NEXMIF: variants seen among roughly 807,000 people sequenced by gnomAD.
NEXMIF encodes the protein XLMR protein related to neurite extension.
NEXMIF carries 8 observed loss-of-function variants against 62.1 expected under a neutral mutation model. The ratio of observed to expected loss-of-function variants is 0.13; its 90% CI spans 0.08 to 0.23. NEXMIF has a LOEUF of 0.23. NEXMIF is among the 10% of genes least tolerant of loss of function. The pLI is 1.00. For synonymous variants in NEXMIF, 404 were observed against 416.6 expected, an observed-to-expected ratio of 0.97 and a Z score of 0.37; for missense variants, 976 against 1,113.3, an observed-to-expected ratio of 0.88 and a Z score of 1.75.
rs761064647 is a variant in NEXMIF, at chrX:74,747,771, A to T, written c.-47-2074T>A. 2.1e-4 allele frequency among the ~76,000 whole-genome samples: 23 copies of T among 110,213 alleles called. No homozygotes were observed. In the East Asian group the frequency reaches 4.9e-3, roughly 23 times the overall value. The stretch of plus-strand genomic sequence containing the variant: ...CTGGAATTAACAGGCACGCACCACC[A>T]TGCCCAGCTAATTTTTGTATTTTTA... On this transcript the variant is annotated intron_variant, in intron 1 of 3. Transcript: ENST00000055682.
intron 1 of NEXMIF, among the ~76,000 whole-genome samples, chrX:74,881,542 C>T (rs781116202): frequency 1.2e-5 from 1 of 85,865 alleles, no homozygotes; most frequent in South Asian, 6.8e-4. Context: ...GGGTCAGGTA[C>T]TTCTTTTTGT....
intron 1 of NEXMIF, among the ~76,000 whole-genome samples, chrX:74,843,895 G>A (rs752823496): frequency 1.8e-5 from 2 of 112,154 alleles, no homozygotes; most frequent in Non-Finnish European, 3.8e-5. Context: ...GTGTGTTTAA[G>A]TGTGTTTTTG....
intron 1 of NEXMIF, among the ~76,000 whole-genome samples, chrX:74,748,204 C>A (rs1442643409): frequency 9.0e-6 from 1 of 111,666 alleles, no homozygotes; most frequent in Non-Finnish European, 1.9e-5. Flanking sequence ...GAGTCTATAA[C>A]TTTTTTTGAA....
chrX:74,920,767 G>A (rs1356046107), intron 1 of NEXMIF, among the ~76,000 whole-genome samples: 5 of 111,716 alleles, frequency 4.5e-5, no homozygotes, highest in East Asian at 2.8e-4. Flanking sequence ...TAGGTCTAAC[G>A]TTTAAGTCTT....
intron 1 of NEXMIF, among the ~76,000 whole-genome samples, chrX:74,758,532 T>C (rs952661202): frequency 9.0e-6 from 1 of 111,481 alleles, no homozygotes; most frequent in Non-Finnish European, 1.9e-5. Flanking sequence ...TACTTAATCG[T>C]TACTTTTTCT....
At chrX:74,793,030 G>T (rs2080291105) in intron 1 of NEXMIF, among the ~76,000 whole-genome samples, 1 of 108,690 alleles carries the variant, frequency 9.2e-6, no homozygotes, top group African/African-American at 3.3e-5. Context: ...GATGTTAGCT[G>T]GTTATTTTGC....
At chrX:74,858,849 G>C (rs956622688) in intron 1 of NEXMIF, among the ~76,000 whole-genome samples, 1 of 109,486 alleles carries the variant, frequency 9.1e-6, no homozygotes, top group Non-Finnish European at 1.9e-5. Context: ...AGAAATTCTG[G>C]AGTTGAAAAA....
chrX:74,825,255 C>G (rs1321429575), intron 1 of NEXMIF, among the ~76,000 whole-genome samples: 2 of 111,167 alleles, frequency 1.8e-5, no homozygotes, highest in African/African-American at 6.6e-5. Flanking sequence ...ACTTTAAGTT[C>G]AGAGATACAT....
intron 1 of NEXMIF, 128 bp downstream of exon 1, chrX:74,924,754 TC>T (rs2080838320): frequency 8.8e-6 from 1 of 113,867 alleles, no homozygotes; most frequent in South Asian, 3.5e-4. Flanking sequence ...CGTCCTCCGT[TC>T]CGTTTTCCCT....
intron 1 of NEXMIF, among the ~76,000 whole-genome samples, chrX:74,826,790 C>A (rs2080419593): frequency 9.0e-6 from 1 of 110,668 alleles, no homozygotes; most frequent in Admixed American, 9.7e-5. Flanking sequence ...ACTTTTATAG[C>A]CATGCATGTT....
At chrX:74,838,799 A>G (rs2080465118) in intron 1 of NEXMIF, among the ~76,000 whole-genome samples, 1 of 112,251 alleles carries the variant, frequency 8.9e-6, no homozygotes, top group Non-Finnish European at 1.9e-5. Flanking sequence ...TACATCATTT[A>G]TTATCATCCT....
intron 1 of NEXMIF, among the ~76,000 whole-genome samples, chrX:74,789,112 T>G (rs2080269725): frequency 1.0e-5 from 1 of 97,506 alleles, no homozygotes; most frequent in Non-Finnish European, 2.1e-5. Flanking sequence ...TATCTCCCAA[T>G]GCTATCCCTC....
At position 74,740,235 on chromosome X, in the gene NEXMIF, C is replaced by G; in HGVS notation, c.4322G>C (p.Gly1441Ala). ...YSNMSTLGNN[G>A]PTHKKLYRHK... is the part of the protein sequence containing the mutation. Reference sequence around the variant, plus strand: ...ACGATACAACTTTTTGTGTGTCGGTCCGTTATTGCCTAAAGTGCTCATGTT... The same window carrying G: ...ACGATACAACTTTTTGTGTGTCGGTGCGTTATTGCCTAAAGTGCTCATGTT... Residue 1441 changes from glycine (G) to alanine (A), a missense_variant, in exon 3 of 4, where the codon GGA (glycine) becomes GCA (alanine). This residue lies in a region of NEXMIF where 137 missense variants were observed against 128.9 expected (regional missense o/e 1.06). Coordinates refer to ENST00000055682, the MANE Select transcript of NEXMIF (RefSeq NM_001008537.3). 1 of 1,211,295 alleles carries G rather than the reference C, an allele frequency of 8.3e-7. No individual in the cohort carries two copies. Among genetic ancestry groups the G allele is most frequent in the Non-Finnish European group, 1.1e-6 (1 of 895,423 alleles).
At chrX:74,751,505 T>G (rs2147445189) in intron 1 of NEXMIF, among the ~76,000 whole-genome samples, 1 of 108,793 alleles carries the variant, frequency 9.2e-6, no homozygotes, top group African/African-American at 3.3e-5. Flanking sequence ...TTTTTTTTTT[T>G]GAAACAGAGT....
In NEXMIF at chrX:74,894,291, G is replaced by A. The variant is rs1446475856; in HGVS notation, c.-48+30592C>T. On this transcript the variant is annotated intron_variant, in intron 1 of 3. Transcript: ENST00000055682. ...AGCCTGGGTGGCAGAGCGAGATTCT[G>A]TCAAAAAATAAAATAAAATAAATTA... Among the ~76,000 whole-genome samples, 9 of 110,722 alleles carry A rather than the reference G, an allele frequency of 8.1e-5. No homozygotes were observed. In the Admixed American group the frequency reaches 8.7e-4, roughly 11 times the overall value.
At chrX:74,875,110 G>A (rs2080624552) in intron 1 of NEXMIF, among the ~76,000 whole-genome samples, 1 of 111,592 alleles carries the variant, frequency 9.0e-6, no homozygotes, top group Non-Finnish European at 1.9e-5. Flanking sequence ...TGTCCCTTCA[G>A]TATGATATTG....
intron 1 of NEXMIF, among the ~76,000 whole-genome samples, chrX:74,874,415 G>A (rs1437557372): frequency 5.5e-5 from 6 of 110,053 alleles, no homozygotes; most frequent in East Asian, 2.9e-4. Flanking sequence ...ATAGTTTGAA[G>A]TCAGGTAGCG....
chrX:74,825,181 C>A (rs1384520780), intron 1 of NEXMIF, among the ~76,000 whole-genome samples: 1 of 111,474 alleles, frequency 9.0e-6, no homozygotes, highest in Non-Finnish European at 1.9e-5. Context: ...TTTCTGTTGG[C>A]CATTTTTACA....
At chrX:74,905,548 A>T (rs2080764867) in intron 1 of NEXMIF, among the ~76,000 whole-genome samples, 1 of 112,417 alleles carries the variant, frequency 8.9e-6, no homozygotes, top group Admixed American at 9.4e-5. Flanking sequence ...AGTGGCTCAC[A>T]CCTGTAATCT....
Sources: gnomAD v4.1 joint callset for allele counts (sites outside exome capture counted in the v4.1 genomes callset) on GRCh38, gnomAD v4.1.1 for gene constraint, gnomAD v4.1.1 regional missense constraint, MANE v1.5 for transcripts, NCBI Gene and HGNC (gene_info 2026-07-23, HGNC 2026-07-21) for gene names.